Variants in GTF3A observed in about 807,000 individuals in gnomAD.
The protein encoded by GTF3A is general transcription factor IIIA, also known as transcription factor IIIA.
Under a neutral mutation model 37.6 loss-of-function variants are expected in GTF3A, and 40 were observed. The ratio of observed to expected loss-of-function variants is 1.06; its 90% CI spans 0.83 to 1.38. GTF3A has a LOEUF of 1.38. GTF3A is among the 40% of genes most tolerant of loss of function. GTF3A has a pLI of 0.00. For synonymous variants in GTF3A, 191 were observed against 166.7 expected (o/e 1.15, Z -1.12); for missense variants, 500 against 462.6 (o/e 1.08, Z -0.74).
At chr13:27,434,541 C>A in intron 6 of GTF3A, 1 of 545,696 alleles carries the variant, frequency 1.8e-6, no homozygotes, top group African/African-American at 1.9e-5. Flanking sequence ...TGGTCTGCTT[C>A]ATTTTCTGTA....
At chr13:27,433,168 A>G (rs1001702948) in intron 5 of GTF3A, among the ~76,000 whole-genome samples, 3 of 151,854 alleles carry the variant, frequency 2.0e-5, no homozygotes, top group African/African-American at 7.3e-5. Flanking sequence ...AGGCTTGGAT[A>G]ATCGTGTGAC....
intron 2 of GTF3A, among the ~76,000 whole-genome samples, chr13:27,428,203 G>A (rs1953623441): frequency 6.6e-6 from 1 of 152,174 alleles, no homozygotes; most frequent in African/African-American, 2.4e-5. Context: ...TTCTTGTCTG[G>A]AGAGGTGGCC....
Position 27,429,850 on chromosome 13 carries a change from G to T in GTF3A, c.303-20G>T. The stretch of plus-strand genomic sequence containing the variant: ...TCTCCCTTGGTTTATTAATATTTTG[G>T]TTTATATAACTTCTTACAGTTGTGC... On this transcript the variant is annotated intron_variant, in intron 2 of 8. Transcript: ENST00000381140. The T allele has an allele frequency of 1.4e-6, 2 of 1,407,658 alleles. No individual in the cohort carries two copies. Among genetic ancestry groups the T allele is most frequent in the Non-Finnish European group, 1.9e-6 (2 of 1,047,864 alleles). The allele number at this position is 1,407,658 out of a possible 1,614,324, so 87.2% of individuals were successfully genotyped here.
intron 3 of GTF3A, 21 bp downstream of exon 3, chr13:27,429,987 T>A (rs1400667852): frequency 1.9e-5 from 25 of 1,312,728 alleles, no homozygotes; most frequent in Non-Finnish European, 2.5e-5. Context: ...TTTTATATGC[T>A]TAAATTTTTT....
chr13:27,429,881 A>T lies in GTF3A; in HGVS notation c.314A>T (p.Asn105Ile). The change falls in exon 3 of 9, where the codon AAT (asparagine) becomes ATT (isoleucine). Residue 105 changes from asparagine (N) to isoleucine (I), a missense_variant. Coordinates refer to ENST00000381140, the MANE Select transcript of GTF3A (RefSeq NM_002097.3). ...ATAACTTCTTACAGTTGTGCAGCCA[A>T]TGGCTGTGATCAAAAATTCAACACA... 6.5e-7 allele frequency: 1 copy of T among 1,528,062 alleles called. No individual in the cohort carries two copies. Among genetic ancestry groups the T allele is most frequent in the Non-Finnish European group, 8.8e-7 (1 of 1,138,102 alleles). The allele number at this position is 1,528,062 out of a possible 1,614,324, so 94.7% of individuals were successfully genotyped here.
At chr13:27,426,081 C>G (rs952528500) in intron 1 of GTF3A, 1 of 152,546 alleles carries the variant, frequency 6.6e-6, no homozygotes, top group African/African-American at 2.4e-5. Flanking sequence ...TGCTTTGCCC[C>G]TCTGCCCTTC....
intron 5 of GTF3A, among the ~76,000 whole-genome samples, chr13:27,433,209 CA>C (rs35654423): frequency 0.12 from 16,177 of 130,662 alleles, 1,013 homozygotes; most frequent in Non-Finnish European, 0.16. Flanking sequence ...TTACGTTTCT[CA>C]AAAAAAAAAA....
chr13:27,430,449 T>C (rs545907286), intron 3 of GTF3A, 84 bp from the exon 4 acceptor site: 17 of 791,228 alleles, frequency 2.1e-5, no homozygotes, highest in East Asian at 5.5e-5. Flanking sequence ...GTCTCCAAAA[T>C]TGTTTTATCT....
rs1330038550 is a variant in GTF3A at position 27,435,739 on chromosome 13, T to G, written c.*142T>G. The G allele has an allele frequency of 6.2e-7, 1 of 1,614,004 alleles. No homozygotes were observed. The highest frequency in any genetic ancestry group is 1.3e-5 in the African/African-American group (1 of 74,944). ...GTCTTTGTTCAAAGTGTCTCTTTCCTGGGTCTCTTGAGTTTCTTTATATGC... is the reference window on the plus strand; with the variant it reads ...GTCTTTGTTCAAAGTGTCTCTTTCCGGGGTCTCTTGAGTTTCTTTATATGC... On this transcript the variant is annotated 3_prime_UTR_variant, in exon 9 of 9. Transcript: ENST00000381140.
rs746575185 is a variant in GTF3A at position 27,430,537 on chromosome 13, G to C, written c.404G>C (p.Ser135Thr). 22 of 1,603,680 alleles carry C rather than the reference G, an allele frequency of 1.4e-5. No homozygotes were observed. The highest frequency in any genetic ancestry group is 1.7e-5 in the Non-Finnish European group (20 of 1,171,204). The change falls in exon 4 of 9, where the codon AGT becomes ACT. Residue 135 changes from serine (S) to threonine (T), a missense_variant. Ser to Thr is a moderately conservative substitution (Grantham distance 58, BLOSUM62 1). Coordinates refer to ENST00000381140, the MANE Select transcript of GTF3A (RefSeq NM_002097.3). Reference sequence around the variant, plus strand: ...CGAGCCTTTACAATTTAACAGTGCAGTTTTGAAGACTGTAAGAAGACCTTT... The same window carrying C: ...CGAGCCTTTACAATTTAACAGTGCACTTTTGAAGACTGTAAGAAGACCTTT...
In GTF3A at chr13:27,435,775, T is replaced by C. The variant is rs752603517; in HGVS notation, c.*178T>C. 6.2e-7 allele frequency: 1 copy of C among 1,614,184 alleles called. No individual in the cohort carries two copies. Among genetic ancestry groups the C allele is most frequent in the Non-Finnish European group, 8.5e-7 (1 of 1,180,002 alleles). On this transcript the variant is annotated 3_prime_UTR_variant, in exon 9 of 9. Coordinates refer to ENST00000381140, the MANE Select transcript of GTF3A (RefSeq NM_002097.3). ...AGTTTCTTTATATGCCTTCTCCTCA[T>C]TTTTGCTGAAAGCACGAAGAACACA...
Position 27,427,563 on chromosome 13 carries a change from G to C in GTF3A, c.302+371G>C, listed in dbSNP as rs558939748. On this transcript the variant is annotated intron_variant, in intron 2 of 8. Transcript: ENST00000381140. Reference sequence around the variant, plus strand: ...CCCTACAGCCAGGAAAATGAATGCAGATGCTCTCTGCAAAGCCATGAGAAA... The same window carrying C: ...CCCTACAGCCAGGAAAATGAATGCACATGCTCTCTGCAAAGCCATGAGAAA... 1.1e-4 allele frequency among the ~76,000 whole-genome samples: 16 copies of C among 152,198 alleles called. No homozygotes were observed. In the East Asian group the frequency reaches 3.1e-3, roughly 29 times the overall value.
At chr13:27,430,405 G>GT (rs1953646106) in intron 3 of GTF3A, 128 bp from the exon 4 acceptor site, 3 of 596,724 alleles carry the variant, frequency 5.0e-6, no homozygotes, top group Non-Finnish European at 8.8e-6. Flanking sequence ...GAATTTTACA[G>GT]TAACAAAATG....
At chr13:27,425,048 T>G (rs931264207) in intron 1 of GTF3A, 110 bp downstream of exon 1, 4 of 723,854 alleles carry the variant, frequency 5.5e-6, no homozygotes, top group Admixed American at 6.8e-5. Flanking sequence ...CGCGTTCAGC[T>G]TTGACATCCA....
At chr13:27,431,406 AG>A (rs1298926229) in intron 4 of GTF3A, among the ~76,000 whole-genome samples, 1 of 152,238 alleles carries the variant, frequency 6.6e-6, no homozygotes, top group East Asian at 1.9e-4. Flanking sequence ...TCGACCAATG[AG>A]TAGATAAAGA....
At chr13:27,427,243 T>C (rs1953614338) in intron 2 of GTF3A, 51 bp downstream of exon 2, 3 of 840,812 alleles carry the variant, frequency 3.6e-6, no homozygotes, top group African/African-American at 1.7e-5. Context: ...GTTGGGCATA[T>C]AGACCCAGTA....
At chr13:27,434,264 C>T (rs1368727626) in intron 6 of GTF3A, 45 bp downstream of exon 6, 4 of 808,728 alleles carry the variant, frequency 4.9e-6, no homozygotes, top group African/African-American at 3.4e-5. Flanking sequence ...TGTTTGTCCC[C>T]ACAGAACTGA....
At position 27,435,654 on chromosome 13, in the gene GTF3A, G is replaced by A; in HGVS notation, c.*57G>A. On this transcript the variant is annotated 3_prime_UTR_variant, in exon 9 of 9. Coordinates refer to ENST00000381140, the MANE Select transcript of GTF3A (RefSeq NM_002097.3). ...ACCAAGGAGCGAGCTTTCTCTCAGAGCATGCTTTTCTTTATTAAAATTACT... is the reference window on the plus strand; with the variant it reads ...ACCAAGGAGCGAGCTTTCTCTCAGAACATGCTTTTCTTTATTAAAATTACT... The A allele has an allele frequency of 6.2e-7, 1 of 1,612,460 alleles. No individual in the cohort carries two copies. The highest frequency in any genetic ancestry group is 8.5e-7 in the Non-Finnish European group (1 of 1,178,762).
intron 1 of GTF3A, 60 bp downstream of exon 1, chr13:27,424,998 C>T (rs540131347): frequency 7.6e-7 from 1 of 1,323,748 alleles, no homozygotes; most frequent in Admixed American, 2.2e-5. Context: ...CCGGGGTAGC[C>T]ACTGCAGTCG....
Sources: allele counts gnomAD v4.1 joint callset (sites outside exome capture counted in the v4.1 genomes callset), GRCh38; gene constraint gnomAD v4.1.1; transcripts MANE v1.5; gene names NCBI Gene and HGNC (gene_info 2026-07-23, HGNC 2026-07-21).